Variants in CDH13 observed in about 807,000 individuals in gnomAD.
The protein encoded by CDH13 is cadherin 13, also known as cadherin-13.
CDH13 carries 24 observed loss-of-function variants against 63.8 expected under a neutral mutation model. The ratio of observed to expected loss-of-function variants is 0.38; its 90% CI spans 0.27 to 0.53. The LOEUF is 0.53. CDH13 is among the 20% of genes least tolerant of loss of function. The probability of loss-of-function intolerance (pLI) is 0.85; values close to 1 mark genes in which losing one functional copy is unlikely to be tolerated. For synonymous variants in CDH13, 503 were observed against 355.3 expected, an observed-to-expected ratio of 1.42 and a Z score of -4.67; for missense variants, 1,049 against 903.1, an observed-to-expected ratio of 1.16 and a Z score of -2.07.
At chr16:82,662,153 C>G (rs1211350152) in intron 1 of CDH13, among the ~76,000 whole-genome samples, 1 of 152,198 alleles carries the variant, frequency 6.6e-6, no homozygotes, top group Admixed American at 6.5e-5. Flanking sequence ...TGCAGATATT[C>G]TGGCATAGAA....
At chr16:83,120,118 C>A (rs1353756941) in intron 3 of CDH13, among the ~76,000 whole-genome samples, 1 of 150,424 alleles carries the variant, frequency 6.6e-6, no homozygotes, top group African/African-American at 2.5e-5. Flanking sequence ...ATCAATACCT[C>A]CAGCAGCCCC....
intron 2 of CDH13, among the ~76,000 whole-genome samples, chr16:82,974,607 T>C (rs1189364548): frequency 6.6e-6 from 1 of 152,018 alleles, no homozygotes; most frequent in Admixed American, 6.5e-5. Flanking sequence ...ATTTTTGAGA[T>C]TGAGAGATCA....
chr16:82,990,710 C>CTATT (rs1306896622), intron 2 of CDH13, among the ~76,000 whole-genome samples: 1 of 151,972 alleles, frequency 6.6e-6, no homozygotes. Flanking sequence ...CCAGGACCAG[C>CTATT]TATTTATTTA....
intron 1 of CDH13, among the ~76,000 whole-genome samples, chr16:82,768,164 A>G (rs2035132075): frequency 1.3e-5 from 2 of 152,216 alleles, no homozygotes; most frequent in Non-Finnish European, 2.9e-5. Flanking sequence ...ATGCTACACA[A>G]TCATGCAACA....
chr16:82,857,817 T>C (rs1165530475), intron 1 of CDH13, among the ~76,000 whole-genome samples: 1 of 152,114 alleles, frequency 6.6e-6, no homozygotes, highest in Non-Finnish European at 1.5e-5. Flanking sequence ...AGTGTGTATT[T>C]TATACTTACA....
At chr16:83,425,712 G>A (rs142505616) in intron 6 of CDH13, among the ~76,000 whole-genome samples, 3 of 152,114 alleles carry the variant, frequency 2.0e-5, no homozygotes, top group African/African-American at 4.8e-5. Flanking sequence ...CAACTAATCT[G>A]CAGTGTTCAA....
chr16:83,069,471 C>G lies in CDH13; in HGVS notation c.366+37253C>G, dbSNP rs74597847. Among the ~76,000 whole-genome samples the G allele has an allele frequency of 5.9e-5, 9 of 152,248 alleles. No individual in the cohort carries two copies. In the South Asian group the frequency reaches 8.3e-4, roughly 14 times the overall value. ...ACATTTCATGTATGTAACAGCCCCC[C>G]CTAAGGTAGAAATTGTTATTGTCAT... On this transcript the variant is annotated intron_variant, in intron 3 of 13. Coordinates refer to ENST00000567109, the MANE Select transcript of CDH13 (RefSeq NM_001257.5).
rs1337349866 is a variant in CDH13 at position 83,663,854 on chromosome 16, T to C, written c.1102-6936T>C. ...AAAGAAAACAAATCATTTACAGAAT[T>C]TTAATCAGATAAAGAGAGGAGAAGG... On this transcript the variant is annotated intron_variant, in intron 8 of 13. Coordinates refer to ENST00000567109, the MANE Select transcript of CDH13 (RefSeq NM_001257.5). 3.3e-5 allele frequency among the ~76,000 whole-genome samples: 5 copies of C among 152,110 alleles called. No individual in the cohort carries two copies. The East Asian group carries it at 7.7e-4, about 23-fold the overall frequency.
At chr16:83,022,320 C>T (rs966500615) in intron 2 of CDH13, among the ~76,000 whole-genome samples, 1 of 152,144 alleles carries the variant, frequency 6.6e-6, no homozygotes, top group African/African-American at 2.4e-5. Flanking sequence ...CAAGGAATAC[C>T]AGGATAGCTG....
intron 7 of CDH13, among the ~76,000 whole-genome samples, chr16:83,504,848 T>G (rs778720665): frequency 6.6e-6 from 1 of 152,182 alleles, no homozygotes; most frequent in South Asian, 2.1e-4. Context: ...GAAAATATAT[T>G]CATACGAGCA....
At chr16:83,597,529 C>G (rs1288869879) in intron 7 of CDH13, among the ~76,000 whole-genome samples, 9 of 152,310 alleles carry the variant, frequency 5.9e-5, no homozygotes, top group South Asian at 4.2e-4. Flanking sequence ...ATATTTACCT[C>G]TCACAGGTGG....
At chr16:83,067,721 AG>A (rs1317035917) in intron 3 of CDH13, among the ~76,000 whole-genome samples, 2 of 152,216 alleles carry the variant, frequency 1.3e-5, no homozygotes, top group African/African-American at 4.8e-5. Context: ...GAAACAGAAT[AG>A]GATGAAGAAA....
chr16:82,842,362 T>A (rs928393679), intron 1 of CDH13, among the ~76,000 whole-genome samples: 2 of 151,558 alleles, frequency 1.3e-5, no homozygotes, highest in Non-Finnish European at 2.9e-5. Flanking sequence ...CTACAAATGA[T>A]GGTAGTCCTT....
chr16:83,756,459 C>T (rs1567575169), intron 11 of CDH13, among the ~76,000 whole-genome samples: 1 of 152,224 alleles, frequency 6.6e-6, no homozygotes, highest in Admixed American at 6.5e-5. Flanking sequence ...CTTGTCCAAC[C>T]CACAGCCTGT....
At chr16:83,115,078 T>A (rs572624000) in intron 3 of CDH13, among the ~76,000 whole-genome samples, 1 of 152,210 alleles carries the variant, frequency 6.6e-6, no homozygotes, top group Non-Finnish European at 1.5e-5. Context: ...TAGTTATACC[T>A]GAATAAATGG....
At chr16:83,337,475 G>A (rs1238555621) in intron 5 of CDH13, among the ~76,000 whole-genome samples, 1 of 152,088 alleles carries the variant, frequency 6.6e-6, no homozygotes, top group Non-Finnish European at 1.5e-5. Context: ...CCCCCTTGAA[G>A]TACAGAAAAT....
chr16:82,788,061 A>G (rs1050869479), intron 1 of CDH13, among the ~76,000 whole-genome samples: 6 of 152,216 alleles, frequency 3.9e-5, no homozygotes, highest in Non-Finnish European at 7.3e-5. Flanking sequence ...TGTTGGAATA[A>G]TAAGTCAGTG....
chr16:83,747,842 G>C (rs1234501779), intron 10 of CDH13, among the ~76,000 whole-genome samples: 1 of 151,340 alleles, frequency 6.6e-6, no homozygotes, highest in Non-Finnish European at 1.5e-5. Flanking sequence ...GCTTCTGTGA[G>C]AGCTTGGCAG....
chr16:82,974,828 C>G (rs1207817077), intron 2 of CDH13, among the ~76,000 whole-genome samples: 2 of 152,214 alleles, frequency 1.3e-5, no homozygotes, highest in Non-Finnish European at 2.9e-5. Context: ...CTTCAAGAGT[C>G]TCCATGTCAG....
Sources: allele counts gnomAD v4.1 joint callset (sites outside exome capture counted in the v4.1 genomes callset), GRCh38; gene constraint gnomAD v4.1.1; transcripts MANE v1.5; gene names NCBI Gene and HGNC (gene_info 2026-07-23, HGNC 2026-07-21).